HSDL2: variants seen among roughly 807,000 people sequenced by gnomAD.
The protein encoded by HSDL2 is hydroxysteroid dehydrogenase-like protein 2.
A neutral mutation model predicts 46.3 loss-of-function variants in HSDL2; 27 were observed. That is an observed-to-expected ratio of 0.58 (90% confidence interval 0.43 to 0.80). The LOEUF is 0.80. Ranked by LOEUF, HSDL2 falls within the 30% of genes least tolerant of loss-of-function variation. HSDL2 has a pLI of 0.00. For missense variants in HSDL2, 451 were observed against 502.7 expected (o/e 0.90, Z 0.98); for synonymous variants, 153 against 163.6 (o/e 0.94, Z 0.50).
At position 112,380,113 on chromosome 9, in the gene HSDL2, T is replaced by G. The variant is rs1490258781; in HGVS notation, c.-51T>G. 1 of 1,514,674 alleles carries G rather than the reference T, an allele frequency of 6.6e-7. No individual in the cohort carries two copies. Among genetic ancestry groups the G allele is most frequent in the East Asian group, 2.4e-5 (1 of 40,872 alleles). The allele number at this position is 1,514,674 out of a possible 1,614,324, so 93.8% of individuals were successfully genotyped here. On this transcript the variant is annotated 5_prime_UTR_variant, in exon 1 of 11. Coordinates refer to ENST00000398805, the MANE Select transcript of HSDL2 (RefSeq NM_032303.5). ...CGGAGGGACGGTCCAGCTTTAGCTC[T>G]CTGCTCGCCGCCGCCGCTGTCGCCG...
At chr9:112,405,575 TA>T (rs1336863872) in intron 2 of HSDL2, 48 bp from the exon 3 acceptor site, 1 of 1,287,254 alleles carries the variant, frequency 7.8e-7, no homozygotes, top group African/African-American at 1.5e-5. Flanking sequence ...ATTAAAGGTA[TA>T]ATATTTAAAT....
At chr9:112,414,424 C>T (rs548806613) in intron 4 of HSDL2, among the ~76,000 whole-genome samples, 34 of 152,046 alleles carry the variant, frequency 2.2e-4, no homozygotes, top group Non-Finnish European at 3.8e-4. Flanking sequence ...TTTCAGTAAA[C>T]GTAACTATTT....
At chr9:112,431,077 A>T (rs866902643) in intron 6 of HSDL2, among the ~76,000 whole-genome samples, 58 of 151,728 alleles carry the variant, frequency 3.8e-4, no homozygotes, top group African/African-American at 1.1e-3. Context: ...AAAAAATTTA[A>T]AAAAAATAAA....
chr9:112,430,361 G>T (rs370690845), intron 6 of HSDL2, among the ~76,000 whole-genome samples: 1 of 152,330 alleles, frequency 6.6e-6, no homozygotes, highest in East Asian at 1.9e-4. Context: ...AGTGTCGCCA[G>T]AGTGAGGGAA....
In HSDL2 at chr9:112,420,558, C is replaced by G. The variant is rs142829431; in HGVS notation, c.598+1600C>G. 2.6e-5 allele frequency among the ~76,000 whole-genome samples: 4 copies of G among 151,722 alleles called. No individual in the cohort carries two copies. The East Asian group carries it at 7.8e-4, about 30-fold the overall frequency. The stretch of plus-strand genomic sequence containing the variant: ...CCTAGCTAGGTGTAGTGGTGCACAC[C>G]TATGGCCCCAGCTGAGATGGGAGGA... On this transcript the variant is annotated intron_variant, in intron 6 of 10. Transcript: ENST00000398805.
intron 1 of HSDL2, among the ~76,000 whole-genome samples, chr9:112,381,255 T>C (rs1216597258): frequency 6.6e-6 from 1 of 152,178 alleles, no homozygotes; most frequent in Non-Finnish European, 1.5e-5. Flanking sequence ...AGCCTTGAAC[T>C]CCCAGGCTGA....
chr9:112,459,993 T>C (rs1439414317), intron 10 of HSDL2, among the ~76,000 whole-genome samples: 2 of 152,226 alleles, frequency 1.3e-5, no homozygotes, highest in Non-Finnish European at 2.9e-5. Context: ...AGGAAACACA[T>C]ACCAGCCCTT....
At chr9:112,404,558 T>C (rs1831680931) in intron 2 of HSDL2, among the ~76,000 whole-genome samples, 1 of 151,906 alleles carries the variant, frequency 6.6e-6, no homozygotes, top group South Asian at 2.1e-4. Flanking sequence ...ATCTTGGTTC[T>C]TGAGGGCAGT....
intron 1 of HSDL2, among the ~76,000 whole-genome samples, chr9:112,400,963 C>T (rs1831577297): frequency 6.6e-6 from 1 of 152,204 alleles, no homozygotes; most frequent in African/African-American, 2.4e-5. Flanking sequence ...CTGGTTCCAA[C>T]TGAGGTCACC....
intron 1 of HSDL2, among the ~76,000 whole-genome samples, chr9:112,392,243 T>C (rs1425741342): frequency 2.6e-5 from 4 of 152,222 alleles, no homozygotes; most frequent in Admixed American, 6.5e-5. Flanking sequence ...AAAGATCACA[T>C]GCTTCTGAGG....
At chr9:112,422,669 C>G (rs569050992) in intron 6 of HSDL2, among the ~76,000 whole-genome samples, 9 of 152,068 alleles carry the variant, frequency 5.9e-5, no homozygotes, top group Non-Finnish European at 1.3e-4. Flanking sequence ...GGAAAGAGAA[C>G]AAATAGAGGA....
At chr9:112,459,712 TCTTA>T in intron 10 of HSDL2, 135 bp downstream of exon 10, 1 of 700,220 alleles carries the variant, frequency 1.4e-6, no homozygotes, top group Non-Finnish European at 2.4e-6. Flanking sequence ...GGAAGGCTGT[TCTTA>T]CTGTTGCCTC....
At chr9:112,407,352 T>C (rs1037967756) in intron 3 of HSDL2, among the ~76,000 whole-genome samples, 1 of 152,262 alleles carries the variant, frequency 6.6e-6, no homozygotes, top group African/African-American at 2.4e-5. Flanking sequence ...CCACTAATTT[T>C]TGGAGAGGAC....
At chr9:112,436,952 CT>C (rs1327914182) in intron 6 of HSDL2, among the ~76,000 whole-genome samples, 3 of 113,718 alleles carry the variant, frequency 2.6e-5, no homozygotes, top group Non-Finnish European at 5.6e-5. Context: ...TCTTTCTTTT[CT>C]TTTTTTCTTT....
At chr9:112,452,163 T>A (rs1832901926) in intron 8 of HSDL2, among the ~76,000 whole-genome samples, 1 of 152,242 alleles carries the variant, frequency 6.6e-6, no homozygotes, top group African/African-American at 2.4e-5. Flanking sequence ...TGATTTTTTT[T>A]ATTTGTGGAA....
chr9:112,449,415 C>A (rs1312802830), intron 8 of HSDL2, among the ~76,000 whole-genome samples: 1 of 151,990 alleles, frequency 6.6e-6, no homozygotes, highest in Non-Finnish European at 1.5e-5. Flanking sequence ...AATTATTTTT[C>A]TTTTTTCTTG....
intron 1 of HSDL2, among the ~76,000 whole-genome samples, chr9:112,385,862 G>A (rs1431652309): frequency 6.6e-6 from 1 of 151,914 alleles, no homozygotes; most frequent in Admixed American, 6.6e-5. Flanking sequence ...CTGACTTCAG[G>A]TGATCTGCCC....
chr9:112,443,512 T>C (rs924067696), intron 8 of HSDL2, among the ~76,000 whole-genome samples: 10 of 152,206 alleles, frequency 6.6e-5, no homozygotes, highest in Non-Finnish European at 1.5e-4. Context: ...ACTTAGTCTT[T>C]TAAATTTTAG....
At chr9:112,447,501 G>C (rs1452390702) in intron 8 of HSDL2, among the ~76,000 whole-genome samples, 1 of 152,150 alleles carries the variant, frequency 6.6e-6, no homozygotes. Context: ...AAGGAAGGGA[G>C]GGGTTCCAGC....
Sources: gnomAD v4.1 joint callset for allele counts (sites outside exome capture counted in the v4.1 genomes callset) on GRCh38, gnomAD v4.1.1 for gene constraint, MANE v1.5 for transcripts, NCBI Gene and HGNC (gene_info 2026-07-23, HGNC 2026-07-21) for gene names.